Variants in NPSR1 observed in about 807,000 individuals in gnomAD.
NPSR1 encodes the protein neuropeptide S receptor 1.
A neutral mutation model predicts 46.9 loss-of-function variants in NPSR1; 48 were observed. The ratio of observed to expected loss-of-function variants is 1.02; its 90% CI spans 0.81 to 1.30. The LOEUF is 1.30. Among genes scored for constraint, NPSR1 ranks in the 50% most tolerant of loss-of-function variants. NPSR1 has a pLI of 0.00. For synonymous variants in NPSR1, 176 were observed against 168.1 expected, an observed-to-expected ratio of 1.05 and a Z score of -0.36; for missense variants, 450 against 449.5, an observed-to-expected ratio of 1.00 and a Z score of -0.01.
intron 2 of NPSR1, among the ~76,000 whole-genome samples, chr7:34,698,067 C>A: frequency 6.6e-6 from 1 of 151,926 alleles, no homozygotes; most frequent in African/African-American, 2.4e-5. Flanking sequence ...AAACAAAACA[C>A]AAAGTAAAAG....
chr7:34,826,449 C>G (rs1789845459), intron 4 of NPSR1, among the ~76,000 whole-genome samples: 1 of 152,118 alleles, frequency 6.6e-6, no homozygotes, highest in African/African-American at 2.4e-5. Flanking sequence ...CCAACCCCAC[C>G]CAAAGACACA....
chr7:34,670,761 A>T (rs1792009007), intron 1 of NPSR1, among the ~76,000 whole-genome samples: 2 of 151,978 alleles, frequency 1.3e-5, no homozygotes, highest in African/African-American at 2.4e-5. Flanking sequence ...TGTGTGAAAA[A>T]ATATTGTTTA....
intron 1 of NPSR1, among the ~76,000 whole-genome samples, chr7:34,663,110 G>A (rs1791557253): frequency 9.2e-6 from 1 of 109,256 alleles, no homozygotes; most frequent in South Asian, 2.6e-4. Flanking sequence ...GGGAGTGGGG[G>A]TAGAGGATGG....
downstream of NPSR1, among the ~76,000 whole-genome samples, chr7:34,853,355 A>G (rs1421940837): frequency 2.6e-5 from 4 of 152,212 alleles, no homozygotes; most frequent in African/African-American, 9.7e-5. Flanking sequence ...ATTTGAATGT[A>G]CCTCATCTTA....
Position 34,841,430 on chromosome 7 carries a change from A to C in NPSR1, c.758-3466A>C, listed in dbSNP as rs1790562489. On this transcript the variant is annotated intron_variant, in intron 6 of 8. Transcript: ENST00000360581. Reference sequence around the variant, plus strand: ...TAGGGATATACTGTGGAACTAAAACAGTCCACATCAGTGTGCTTCTCCCAG... The same window carrying C: ...TAGGGATATACTGTGGAACTAAAACCGTCCACATCAGTGTGCTTCTCCCAG... 2.6e-5 allele frequency among the ~76,000 whole-genome samples: 4 copies of C among 152,348 alleles called. No homozygotes were observed. In the South Asian group the frequency reaches 8.3e-4, roughly 32 times the overall value.
At chr7:34,777,075 C>G (rs1026919920) in intron 2 of NPSR1, among the ~76,000 whole-genome samples, 1 of 152,080 alleles carries the variant, frequency 6.6e-6, no homozygotes, top group Admixed American at 6.6e-5. Flanking sequence ...CCTTAGCCAC[C>G]CAAGCTGGTA....
intron 2 of NPSR1, chr7:34,703,783 T>A (rs181494588): frequency 3.8e-4 from 58 of 152,694 alleles, no homozygotes; most frequent in African/African-American, 1.3e-3. Context: ...GTTTATATTT[T>A]ATGAGCTAAA....
chr7:34,804,129 C>A (rs910346500), intron 3 of NPSR1, among the ~76,000 whole-genome samples: 5 of 151,938 alleles, frequency 3.3e-5, no homozygotes, highest in Non-Finnish European at 5.9e-5. Context: ...GAAAAGGGAA[C>A]CATTCCTAAT....
intron 2 of NPSR1, among the ~76,000 whole-genome samples, chr7:34,692,369 G>A (rs1217729394): frequency 2.0e-5 from 3 of 151,972 alleles, no homozygotes; most frequent in Non-Finnish European, 4.4e-5. Context: ...AACCACAGTG[G>A]AATAAAATTA....
At chr7:34,837,981 C>A (rs1006950324) in intron 6 of NPSR1, among the ~76,000 whole-genome samples, 3 of 152,040 alleles carry the variant, frequency 2.0e-5, no homozygotes, top group Non-Finnish European at 4.4e-5. Flanking sequence ...TTGGTGTAAA[C>A]CCCTGTCTTG....
At chr7:34,706,318 T>A (rs1215355071) in intron 2 of NPSR1, among the ~76,000 whole-genome samples, 1 of 151,998 alleles carries the variant, frequency 6.6e-6, no homozygotes, top group Non-Finnish European at 1.5e-5. Context: ...TGTCTTTGAA[T>A]ACAGATTACT....
chr7:34,762,351 G>A (rs141966933), intron 2 of NPSR1, among the ~76,000 whole-genome samples: 50 of 152,260 alleles, frequency 3.3e-4, no homozygotes, highest in African/African-American at 1.0e-3. Flanking sequence ...TCATCTTGGC[G>A]AAGGACACAG....
At chr7:34,813,592 A>G (rs560568153) in intron 4 of NPSR1, among the ~76,000 whole-genome samples, 1 of 152,372 alleles carries the variant, frequency 6.6e-6, no homozygotes, top group East Asian at 1.9e-4. Flanking sequence ...GAACGATAAC[A>G]TTAAAGTCAA....
chr7:34,809,231 G>A (rs796406894), intron 3 of NPSR1, among the ~76,000 whole-genome samples: 6 of 152,044 alleles, frequency 3.9e-5, no homozygotes, highest in East Asian at 3.9e-4. Flanking sequence ...CTAAGTAGAC[G>A]ATCGATTTTT....
intron 3 of NPSR1, among the ~76,000 whole-genome samples, chr7:34,779,126 T>C (rs1787116248): frequency 6.6e-6 from 1 of 152,116 alleles, no homozygotes; most frequent in Non-Finnish European, 1.5e-5. Flanking sequence ...TTAAAGATAT[T>C]GATGCTTCAA....
At position 34,790,751 on chromosome 7, in the gene NPSR1, A is replaced by G. The variant is rs1455585280; in HGVS notation, c.384+12186A>G. ...ATATGTTATATGTTATATATAATAT[A>G]TGTTATATGTTATATATAATATATG... On this transcript the variant is annotated intron_variant, in intron 3 of 8. Transcript: ENST00000360581. Among the ~76,000 whole-genome samples the G allele has an allele frequency of 1.6e-5, 2 of 128,276 alleles. 1 individual carries two copies. Among genetic ancestry groups the G allele is most frequent in the Admixed American group, 1.6e-4 (2 of 12,824 alleles). The allele number at this position is 128,276 out of a possible 152,430, so 84.2% of individuals were successfully genotyped here. A position where few individuals can be genotyped will look rare whatever the true frequency, so the allele number is the denominator to read the frequency against.
intron 8 of NPSR1, among the ~76,000 whole-genome samples, chr7:34,875,419 T>G (rs564754482): frequency 6.6e-6 from 1 of 151,626 alleles, no homozygotes; most frequent in Non-Finnish European, 1.5e-5. Flanking sequence ...TTCCAGAGAG[T>G]TTAGCTGCTT....
intron 1 of NPSR1, among the ~76,000 whole-genome samples, chr7:34,658,948 C>G (rs750591970): frequency 1.3e-5 from 2 of 152,080 alleles, no homozygotes; most frequent in Non-Finnish European, 2.9e-5. Flanking sequence ...ACCAGAGATG[C>G]GGAAAGCTCA....
intron 1 of NPSR1, among the ~76,000 whole-genome samples, chr7:34,678,167 C>T (rs138715815): frequency 1.1e-4 from 16 of 151,782 alleles, no homozygotes; most frequent in African/African-American, 3.4e-4. Context: ...CATCCCCCAG[C>T]ACCATCCAGG....
Sources: allele counts gnomAD v4.1 joint callset (sites outside exome capture counted in the v4.1 genomes callset), GRCh38; gene constraint gnomAD v4.1.1; transcripts MANE v1.5; gene names NCBI Gene and HGNC (gene_info 2026-07-23, HGNC 2026-07-21).